HELZ: variants seen among roughly 807,000 people sequenced by gnomAD.
HELZ encodes the protein helicase with zinc finger, also known as ATP-dependent RNA helicase with zinc finger domain.
Under a neutral mutation model 218.2 loss-of-function variants are expected in HELZ, and 23 were observed. The observed-to-expected ratio is 0.11, with a 90% CI of 0.08 to 0.15. The LOEUF is 0.15. HELZ is among the 10% of genes least tolerant of loss of function. HELZ has a pLI of 1.00. For missense variants in HELZ, 1,813 were observed against 2,353.7 expected, an observed-to-expected ratio of 0.77 and a Z score of 4.75; for synonymous variants, 814 against 829.4, an observed-to-expected ratio of 0.98 and a Z score of 0.32.
intron 9 of HELZ, 136 bp from the exon 10 acceptor site, chr17:67,190,491 T>C: frequency 3.1e-6 from 2 of 653,690 alleles, no homozygotes; most frequent in Non-Finnish European, 5.3e-6. Flanking sequence ...TCGTACTGTC[T>C]TGTACAAAGG....
intron 27 of HELZ, among the ~76,000 whole-genome samples, chr17:67,119,073 T>C (rs1311296760): frequency 1.3e-5 from 2 of 152,036 alleles, no homozygotes; most frequent in South Asian, 2.1e-4. Flanking sequence ...AAATGAAAAA[T>C]GGTTCAGCCA....
At chr17:67,175,261 C>T (rs2039422719) in intron 13 of HELZ, among the ~76,000 whole-genome samples, 1 of 152,142 alleles carries the variant, frequency 6.6e-6, no homozygotes, top group African/African-American at 2.4e-5. Flanking sequence ...GCAACCAGGC[C>T]TGTATGAAAT....
chr17:67,227,772 A>G (rs2040933687), intron 3 of HELZ, among the ~76,000 whole-genome samples: 1 of 152,268 alleles, frequency 6.6e-6, no homozygotes, highest in African/African-American at 2.4e-5. Flanking sequence ...TGTCTGTGAC[A>G]GTATGAGAAG....
chr17:67,171,705 TC>T (rs1350674254), intron 13 of HELZ, among the ~76,000 whole-genome samples: 2 of 152,172 alleles, frequency 1.3e-5, no homozygotes, highest in Non-Finnish European at 2.9e-5. Flanking sequence ...ATTTACCCTG[TC>T]CCCACCACAC....
intron 17 of HELZ, among the ~76,000 whole-genome samples, chr17:67,154,790 CAGA>C (rs1464407610): frequency 3.9e-5 from 6 of 152,098 alleles, no homozygotes; most frequent in African/African-American, 1.4e-4. Context: ...CTAGACTTGG[CAGA>C]AGAATTATAA....
At chr17:67,156,469 C>A (rs1295280686) in intron 17 of HELZ, among the ~76,000 whole-genome samples, 1 of 152,122 alleles carries the variant, frequency 6.6e-6, no homozygotes, top group East Asian at 1.9e-4. Context: ...CTCCTATTCA[C>A]TCCTCTAAAC....
intron 31 of HELZ, among the ~76,000 whole-genome samples, chr17:67,100,418 C>A (rs2036888992): frequency 6.6e-6 from 1 of 152,088 alleles, no homozygotes; most frequent in African/African-American, 2.4e-5. Context: ...ACTAGCATTC[C>A]ATTTTTATCA....
At chr17:67,243,612 T>G (rs2041386631) in intron 2 of HELZ, among the ~76,000 whole-genome samples, 172 bp downstream of exon 2, 3 of 152,242 alleles carry the variant, frequency 2.0e-5, no homozygotes, top group South Asian at 2.1e-4. Context: ...GATTGGTACA[T>G]TCAACATATT....
chr17:67,215,864 C>G, intron 5 of HELZ, 35 bp downstream of exon 5: 1 of 1,375,924 alleles, frequency 7.3e-7, no homozygotes, highest in Non-Finnish European at 1.0e-6. Context: ...AAACATTGTT[C>G]AATTCAATAA....
intron 11 of HELZ, among the ~76,000 whole-genome samples, chr17:67,189,050 T>C (rs1010372101): frequency 1.3e-5 from 2 of 152,158 alleles, no homozygotes; most frequent in Admixed American, 1.3e-4. Flanking sequence ...GCAGAAGAAA[T>C]GCCACAAAAA....
intron 17 of HELZ, among the ~76,000 whole-genome samples, chr17:67,156,875 C>T (rs538899827): frequency 6.4e-4 from 97 of 152,118 alleles, no homozygotes; most frequent in Non-Finnish European, 1.1e-3. Context: ...CAAAATCTCA[C>T]GTTGAAATGT....
At chr17:67,230,122 T>C (rs193111768) in intron 3 of HELZ, among the ~76,000 whole-genome samples, 67 of 152,324 alleles carry the variant, frequency 4.4e-4, no homozygotes, top group African/African-American at 1.5e-3. Flanking sequence ...AATTGAGATT[T>C]TTTTTCCATC....
At chr17:67,138,483 C>T (rs1478886072) in intron 21 of HELZ, among the ~76,000 whole-genome samples, 2 of 152,126 alleles carry the variant, frequency 1.3e-5, no homozygotes, top group Admixed American at 6.6e-5. Flanking sequence ...AATTCTCAGT[C>T]CACTCTCTCC....
chr17:67,094,771 A>G (rs2036691504), intron 31 of HELZ, among the ~76,000 whole-genome samples: 1 of 152,210 alleles, frequency 6.6e-6, no homozygotes, highest in Non-Finnish European at 1.5e-5. Flanking sequence ...ACTGCATTCC[A>G]GCCTGTGCAA....
intron 12 of HELZ, 75 bp from the exon 13 acceptor site, chr17:67,179,001 T>C (rs1349207202): frequency 1.1e-6 from 1 of 948,132 alleles, no homozygotes; most frequent in Non-Finnish European, 1.5e-6. Flanking sequence ...AATTCTTAAC[T>C]ATATTACATA....
chr17:67,098,598 G>T (rs2036824830), intron 31 of HELZ, among the ~76,000 whole-genome samples: 1 of 150,862 alleles, frequency 6.6e-6, no homozygotes, highest in East Asian at 1.9e-4. Context: ...AGAAAAATTA[G>T]CTGGGCATGG....
chr17:67,126,797 G>A (rs1272362122), intron 24 of HELZ, among the ~76,000 whole-genome samples: 4 of 152,074 alleles, frequency 2.6e-5, no homozygotes, highest in African/African-American at 9.7e-5. Context: ...GGAGGCGGAG[G>A]CTGCAGTAAA....
At chr17:67,241,727 T>TA (rs2143520748) in intron 2 of HELZ, among the ~76,000 whole-genome samples, 1 of 152,288 alleles carries the variant, frequency 6.6e-6, no homozygotes, top group African/African-American at 2.4e-5. Context: ...GAAAGGTACT[T>TA]ACTCCCAAAA....
intron 31 of HELZ, among the ~76,000 whole-genome samples, chr17:67,092,898 G>A (rs1010047031): frequency 6.6e-6 from 1 of 151,390 alleles, no homozygotes; most frequent in Non-Finnish European, 1.5e-5. Flanking sequence ...CCGGCGGGGG[G>A]GGGAAGTTGC....
Sources: allele counts gnomAD v4.1 joint callset (sites outside exome capture counted in the v4.1 genomes callset), GRCh38; gene constraint gnomAD v4.1.1; transcripts MANE v1.5; gene names NCBI Gene and HGNC (gene_info 2026-07-23, HGNC 2026-07-21).